Variants in PRKN observed in about 807,000 individuals in gnomAD.
PRKN encodes parkin RBR E3 ubiquitin protein ligase, also known as E3 ubiquitin-protein ligase parkin.
Under a neutral mutation model 59.5 loss-of-function variants are expected in PRKN, and 56 were observed. The ratio of observed to expected loss-of-function variants is 0.94; its 90% CI spans 0.76 to 1.18. The LOEUF (loss-of-function observed/expected upper bound fraction) is 1.18. PRKN is among the 50% of genes most tolerant of loss of function. The pLI, the probability that PRKN is intolerant of heterozygous loss-of-function variation, is 0.00. For synonymous variants in PRKN, 250 were observed against 222.1 expected (o/e 1.13, Z -1.12); for missense variants, 657 against 596.4 (o/e 1.10, Z -1.06).
chr6:162,031,810 G>A (rs1783653136), intron 5 of PRKN, among the ~76,000 whole-genome samples: 1 of 152,162 alleles, frequency 6.6e-6, no homozygotes, highest in Non-Finnish European at 1.5e-5. Context: ...GATTAGAGTT[G>A]TGAGCCATGG....
intron 5 of PRKN, among the ~76,000 whole-genome samples, chr6:162,039,337 G>A (rs1783973400): frequency 6.6e-6 from 1 of 152,170 alleles, no homozygotes; most frequent in Non-Finnish European, 1.5e-5. Flanking sequence ...GCCCCACCAA[G>A]TCTTCTGTTG....
At chr6:162,022,631 A>C (rs2851399) in intron 5 of PRKN, among the ~76,000 whole-genome samples, 115,983 of 152,024 alleles carry the variant, frequency 0.76, 44,370 homozygotes, top group Admixed American at 0.8. Context: ...TTGTCAGTTT[A>C]CTCTGTTGAT....
At chr6:161,699,822 C>A (rs1490485475) in intron 7 of PRKN, among the ~76,000 whole-genome samples, 1 of 152,242 alleles carries the variant, frequency 6.6e-6, no homozygotes, top group East Asian at 1.9e-4. Context: ...TGTGTACATA[C>A]AACAACATGT....
intron 4 of PRKN, among the ~76,000 whole-genome samples, chr6:162,102,011 T>G (rs1449639796): frequency 6.6e-6 from 1 of 152,212 alleles, no homozygotes; most frequent in African/African-American, 2.4e-5. Context: ...TTTCTTACCA[T>G]GTTTTTCATT....
At position 162,201,135 on chromosome 6, in the gene PRKN, G is replaced by T. The variant is rs765648938; in HGVS notation, c.530C>A (p.Thr177Asn). 6 of 1,613,972 alleles carry T rather than the reference G, an allele frequency of 3.7e-6. No homozygotes were observed. The highest frequency in any genetic ancestry group is 5.1e-6 in the Non-Finnish European group (6 of 1,180,004). The change falls in exon 4 of 12, where the codon ACC becomes AAC. Residue 177 changes from threonine (T) to asparagine (N), a missense_variant. By Grantham distance (65) the Thr-to-Asn change is moderately conservative (BLOSUM62 0). Transcript: ENST00000366898. The stretch of plus-strand genomic sequence containing the variant: ...GCTGACACTGCATTTCCTTACCTGG[G>T]TCAAGGTGAGCGTTGCCTGCCTGCA... ...STCRQATLTL[T>N]QGPSCWDDVL...
intron 1 of PRKN, among the ~76,000 whole-genome samples, chr6:162,461,824 TA>T (rs72377172): frequency 0.14 from 19,609 of 139,080 alleles, 1,467 homozygotes; most frequent in East Asian, 0.35. Context: ...AGACTTCGTC[TA>T]AAAAAAAAAA....
At chr6:162,594,206 A>C (rs1781413524) in intron 1 of PRKN, among the ~76,000 whole-genome samples, 1 of 152,132 alleles carries the variant, frequency 6.6e-6, no homozygotes, top group South Asian at 2.1e-4. Flanking sequence ...CTTTTTGCTC[A>C]AATTCTTCAT....
intron 9 of PRKN, among the ~76,000 whole-genome samples, chr6:161,431,402 T>C (rs1361014599): frequency 2.0e-5 from 3 of 152,096 alleles, no homozygotes. Flanking sequence ...TGGTTCCTTT[T>C]AGATGTGGTA....
At position 161,459,185 on chromosome 6, in the gene PRKN, C is replaced by T. The variant is rs892503961; in HGVS notation, c.1084-72308G>A. 1.3e-5 allele frequency among the ~76,000 whole-genome samples: 2 copies of T among 152,140 alleles called. No homozygotes were observed. Among genetic ancestry groups the T allele is most frequent in the Non-Finnish European group, 2.9e-5 (2 of 68,030 alleles). ...AGTGATCACCATTTTTCAGGTAAGA[C>T]TTGTTCTCCAGGTTAATTACAGTGG... On this transcript the variant is annotated intron_variant, in intron 9 of 11. Coordinates refer to ENST00000366898, the MANE Select transcript of PRKN (RefSeq NM_004562.3). The surrounding 1 kb of genome is among the most constrained non-coding windows in gnomAD (Gnocchi z 4.8).
At chr6:162,026,149 GAA>G (rs77692961) in intron 5 of PRKN, among the ~76,000 whole-genome samples, 23,352 of 152,144 alleles carry the variant, frequency 0.15, 1,871 homozygotes, top group South Asian at 0.25. Context: ...GAATTGCTTT[GAA>G]ATATGTTGAC....
chr6:162,001,279 G>A (rs532040940), intron 5 of PRKN, among the ~76,000 whole-genome samples: 11 of 151,964 alleles, frequency 7.2e-5, no homozygotes, highest in Middle Eastern at 3.4e-3. Context: ...CCATGAACAC[G>A]GGCTATTTCT....
intron 2 of PRKN, among the ~76,000 whole-genome samples, chr6:162,315,390 G>C (rs754127115): frequency 9.5e-4 from 144 of 152,310 alleles, no homozygotes; most frequent in Non-Finnish European, 1.2e-3. Flanking sequence ...AGGAGTTATT[G>C]TAAGGCCGCC....
intron 5 of PRKN, among the ~76,000 whole-genome samples, chr6:162,009,644 G>T (rs112070690): frequency 2.0e-5 from 3 of 151,850 alleles, no homozygotes; most frequent in South Asian, 2.1e-4. Flanking sequence ...TGAAATAAAA[G>T]TCCTCTCGCG....
chr6:162,669,982 T>C (rs762137465), intron 1 of PRKN, among the ~76,000 whole-genome samples: 45 of 152,312 alleles, frequency 3.0e-4, no homozygotes, highest in Non-Finnish European at 4.7e-4. Context: ...AGAAGCACAT[T>C]TGCAATTTTT....
chr6:161,627,490 C>T (rs1346674581), intron 7 of PRKN, among the ~76,000 whole-genome samples: 1 of 152,200 alleles, frequency 6.6e-6, no homozygotes, highest in African/African-American at 2.4e-5. Flanking sequence ...AGGAGTGTAG[C>T]AAGTGTCATC....
At chr6:162,333,952 T>C (rs1392276123) in intron 2 of PRKN, among the ~76,000 whole-genome samples, 1 of 152,118 alleles carries the variant, frequency 6.6e-6, no homozygotes, top group Non-Finnish European at 1.5e-5. Context: ...ATTGCTGATA[T>C]GGAGAAAGTC....
At chr6:162,480,950 T>C (rs9347649) in intron 1 of PRKN, among the ~76,000 whole-genome samples, 69,510 of 151,564 alleles carry the variant, frequency 0.46, 16,140 homozygotes, top group Middle Eastern at 0.53. Flanking sequence ...GCACTACAGG[T>C]GTGCACCACC....
At chr6:162,115,174 G>A (rs1444417884) in intron 4 of PRKN, among the ~76,000 whole-genome samples, 4 of 152,046 alleles carry the variant, frequency 2.6e-5, no homozygotes, top group African/African-American at 7.2e-5. Context: ...CATAAAAAAT[G>A]ATGAGTTCAT....
intron 1 of PRKN, among the ~76,000 whole-genome samples, chr6:162,501,948 A>G (rs557268481): frequency 2.0e-5 from 3 of 152,276 alleles, no homozygotes; most frequent in Admixed American, 2.0e-4. Flanking sequence ...GTAATGTGGG[A>G]AAAAGACGAA....
Sources: allele counts gnomAD v4.1 joint callset (sites outside exome capture counted in the v4.1 genomes callset), GRCh38; gene constraint gnomAD v4.1.1; non-coding constraint Gnocchi (gnomAD v3.1); transcripts MANE v1.5; gene names NCBI Gene and HGNC (gene_info 2026-07-23, HGNC 2026-07-21).